The following ADAM2 variants were observed in gnomAD, a reference collection of about 807,000 sequenced individuals.
The protein encoded by ADAM2 is disintegrin and metalloproteinase domain-containing protein 2.
A neutral mutation model predicts 99.3 loss-of-function variants in ADAM2; 101 were observed. The observed-to-expected ratio is 1.02, with a 90% confidence interval of 0.87 to 1.20. The LOEUF (loss-of-function observed/expected upper bound fraction) is 1.20. Ranked by LOEUF, ADAM2 falls within the 50% of genes most tolerant of loss-of-function variation. The pLI is 0.00. For missense variants in ADAM2, 948 were observed against 878.7 expected (o/e 1.08, Z -1.00); for synonymous variants, 323 against 287.6 (o/e 1.12, Z -1.25).
rs1802204880 is a variant in ADAM2, at chr8:39,757,784, A to G, written c.1614-1873T>C. ...AAAGTGAATGCAATTTCCGTTATGT[A>G]TTAGTCATATTATATGATACAAAGT... On this transcript the variant is annotated intron_variant, in intron 15 of 20. Transcript: ENST00000265708. Among the ~76,000 whole-genome samples the G allele has an allele frequency of 5.3e-5, 8 of 152,314 alleles. No homozygotes were observed. In the South Asian group the frequency reaches 1.7e-3, roughly 32 times the overall value.
intron 6 of ADAM2, among the ~76,000 whole-genome samples, chr8:39,812,451 T>A (rs879697885): frequency 2.6e-5 from 4 of 151,988 alleles, no homozygotes; most frequent in Non-Finnish European, 2.9e-5. Flanking sequence ...GAACCAAAAA[T>A]GAGCCCGCAT....
At chr8:39,835,989 T>C (rs1805808091) in intron 2 of ADAM2, among the ~76,000 whole-genome samples, 1 of 152,044 alleles carries the variant, frequency 6.6e-6, no homozygotes, top group Non-Finnish European at 1.5e-5. Flanking sequence ...TGGTGCTTTG[T>C]TTTGGTTTTG....
intron 18 of ADAM2, 141 bp from the exon 19 acceptor site, chr8:39,746,772 A>T: frequency 4.4e-6 from 3 of 685,436 alleles, no homozygotes; most frequent in Non-Finnish European, 6.8e-6. Context: ...TATGAAATAG[A>T]TAACTTGAAA....
chr8:39,760,692 G>A (rs1266402655), intron 15 of ADAM2, among the ~76,000 whole-genome samples: 5 of 151,818 alleles, frequency 3.3e-5, no homozygotes, highest in African/African-American at 4.8e-5. Context: ...CGGCACTCCA[G>A]CCTGGGGGAG....
At chr8:39,782,702 G>T (rs1803281396) in intron 10 of ADAM2, among the ~76,000 whole-genome samples, 1 of 152,030 alleles carries the variant, frequency 6.6e-6, no homozygotes, top group Non-Finnish European at 1.5e-5. Context: ...TATATGATCT[G>T]TGGTGATCAT....
Position 39,766,845 on chromosome 8 carries a change from T to C in ADAM2, c.1507+3A>G. The C allele has an allele frequency of 6.4e-7, 1 of 1,573,202 alleles. No homozygotes were observed. ...ATATGAGAAATCAAATGATAATAAA[T>C]ACCTTTGCCAAATGTGTCTGTACAT... On this transcript the variant is annotated splice_donor_region_variant and intron_variant, in intron 14 of 20. Coordinates refer to ENST00000265708, the MANE Select transcript of ADAM2 (RefSeq NM_001464.5).
intron 10 of ADAM2, among the ~76,000 whole-genome samples, chr8:39,783,580 G>A (rs1488590214): frequency 1.3e-5 from 2 of 152,018 alleles, no homozygotes; most frequent in Non-Finnish European, 2.9e-5. Flanking sequence ...TGCTGAAACC[G>A]TGACCCCTAA....
intron 6 of ADAM2, among the ~76,000 whole-genome samples, chr8:39,811,349 C>T (rs918082973): frequency 6.6e-6 from 1 of 152,166 alleles, no homozygotes; most frequent in African/African-American, 2.4e-5. Context: ...ACCAGAGGTA[C>T]AAAGAGGAGC....
chr8:39,789,003 C>T (rs964655606), intron 7 of ADAM2, among the ~76,000 whole-genome samples: 1 of 150,946 alleles, frequency 6.6e-6, no homozygotes, highest in African/African-American at 2.4e-5. Context: ...CTACTATCAA[C>T]AAAATAATTA....
Position 39,821,015 on chromosome 8 carries a change from A to T in ADAM2, c.500T>A (p.Leu167Ter). Residue 167 changes from leucine (L) to a stop codon, truncating the protein, a stop_gained, in exon 6 of 21, where the codon TTA becomes TAA. Coordinates refer to ENST00000265708, the MANE Select transcript of ADAM2 (RefSeq NM_001464.5). LOFTEE classifies it high-confidence loss of function. ...TTAATCACCTACCTCTACGCTTTGT[A>T]ATTTAAAGGACAGATCTCTTGATTC... ...DIESRDLSFKLQSVEPQQDFA... is the reference protein window; with the variant it reads ...DIESRDLSFK 6.3e-7 allele frequency: 1 copy of T among 1,593,122 alleles called. No homozygotes were observed. The highest frequency in any genetic ancestry group is 8.6e-7 in the Non-Finnish European group (1 of 1,167,704).
At chr8:39,807,707 A>G (rs1011609458) in intron 7 of ADAM2, among the ~76,000 whole-genome samples, 1 of 152,170 alleles carries the variant, frequency 6.6e-6, no homozygotes, top group Non-Finnish European at 1.5e-5. Context: ...CAGGTCTCAG[A>G]TTTCCAACAT....
At chr8:39,788,318 TG>T in intron 8 of ADAM2, 67 bp from the exon 9 acceptor site, 1 of 1,005,268 alleles carries the variant, frequency 9.9e-7, no homozygotes, top group East Asian at 2.9e-5. Context: ...TATATATGTT[TG>T]AAAACAAATT....
intron 12 of ADAM2, among the ~76,000 whole-genome samples, 163 bp downstream of exon 12, chr8:39,769,229 A>G (rs1802682766): frequency 6.6e-6 from 1 of 152,206 alleles, no homozygotes; most frequent in Admixed American, 6.5e-5. Context: ...CTACACCAAT[A>G]TATATAAGTG....
chr8:39,769,555 A>G lies in ADAM2; in HGVS notation c.1049T>C (p.Ile350Thr). ...PEAIHFSGVK[I>T]FSNCSFEDFA... ...GTCTTCGAAGCTGCAGTTACTAAAG[A>G]TCTTCACACCACTGAAATGACTAAA... The change falls in exon 12 of 21, where the codon ATC becomes ACC. Residue 350 changes from isoleucine (I) to threonine (T), a missense_variant. Coordinates refer to ENST00000265708, the MANE Select transcript of ADAM2 (RefSeq NM_001464.5). 6.2e-7 allele frequency: 1 copy of G among 1,613,390 alleles called. No individual in the cohort carries two copies. Among genetic ancestry groups the G allele is most frequent in the Non-Finnish European group, 8.5e-7 (1 of 1,179,410 alleles).
chr8:39,781,039 C>T (rs547090238), intron 10 of ADAM2, among the ~76,000 whole-genome samples: 6 of 147,946 alleles, frequency 4.1e-5, no homozygotes, highest in South Asian at 2.1e-4. Context: ...GATGGAATCT[C>T]GCACTCTCGC....
chr8:39,837,029 A>C, intron 2 of ADAM2, 107 bp downstream of exon 2: 1 of 772,032 alleles, frequency 1.3e-6, no homozygotes, highest in Non-Finnish European at 2.0e-6. Context: ...TTTGGTATAA[A>C]TATAAAATTC....
intron 6 of ADAM2, among the ~76,000 whole-genome samples, chr8:39,812,571 AAC>A (rs771911979): frequency 3.3e-4 from 50 of 152,204 alleles, no homozygotes; most frequent in Non-Finnish European, 4.7e-4. Context: ...CTGGTACCAA[AAC>A]AGAGATATAG....
intron 12 of ADAM2, 85 bp downstream of exon 12, chr8:39,769,307 T>G (rs1802685750): frequency 9.3e-7 from 1 of 1,073,130 alleles, no homozygotes; most frequent in Non-Finnish European, 1.4e-6. Context: ...GCTTGATGAA[T>G]TAAGGAAAAT....
intron 10 of ADAM2, among the ~76,000 whole-genome samples, chr8:39,785,853 A>C (rs1341496653): frequency 6.6e-6 from 1 of 152,006 alleles, no homozygotes; most frequent in Non-Finnish European, 1.5e-5. Flanking sequence ...CCAAAAAGAC[A>C]CTGGCACTTA....
Sources: allele counts gnomAD v4.1 joint callset (sites outside exome capture counted in the v4.1 genomes callset), GRCh38; gene constraint gnomAD v4.1.1; transcripts MANE v1.5; gene names NCBI Gene and HGNC (gene_info 2026-07-23, HGNC 2026-07-21).